The following ERBB2 variants were observed in gnomAD, a reference collection of about 807,000 sequenced individuals.
ERBB2 encodes erb-b2 receptor tyrosine kinase 2.
In ERBB2, 61 loss-of-function variants were observed where a neutral mutation model predicts 149.0. That is an observed-to-expected ratio of 0.41 (90% confidence interval 0.33 to 0.51). The LOEUF (loss-of-function observed/expected upper bound fraction) is 0.51, where lower values mean the gene tolerates loss of function less well. Ranked by LOEUF, ERBB2 falls within the 20% of genes least tolerant of loss-of-function variation. ERBB2 has a pLI of 0.25. For missense variants in ERBB2, 1,205 were observed against 1,655.1 expected, an observed-to-expected ratio of 0.73 and a Z score of 4.72; for synonymous variants, 633 against 678.8, an observed-to-expected ratio of 0.93 and a Z score of 1.05.
upstream of ERBB2, among the ~76,000 whole-genome samples, chr17:39,692,880 C>T (rs554415458): frequency 2.9e-4 from 44 of 151,922 alleles, no homozygotes; most frequent in East Asian, 6.5e-3. Flanking sequence ...CTGACCAAAA[C>T]GGTGAAAACT....
In ERBB2 at chr17:39,727,316, C is replaced by T. The variant is rs2143233441; in HGVS notation, c.3181C>T (p.Leu1061=). Residue 1061 remains leucine (L), a synonymous_variant, in exon 26 of 27, where the codon CTA becomes TTA. Coordinates refer to ENST00000269571, the MANE Select transcript of ERBB2 (RefSeq NM_004448.4). This position sits in a 1 kb window ranked among gnomAD's most constrained non-coding sequence, Gnocchi z 4.3. ...STRSGGGDLT[L]GLEPSEEEAP... ...CCAGAGTGGCGGTGGGGACCTGACACTAGGGCTGGAGCCCTCTGAAGAGGA... is the reference window on the plus strand; with the variant it reads ...CCAGAGTGGCGGTGGGGACCTGACATTAGGGCTGGAGCCCTCTGAAGAGGA... The T allele has an allele frequency of 6.2e-7, 1 of 1,613,000 alleles. No individual in the cohort carries two copies. Among genetic ancestry groups the T allele is most frequent in the Non-Finnish European group, 8.5e-7 (1 of 1,179,714 alleles).
chr17:39,718,752 A>G (rs529925303), intron 15 of ERBB2, among the ~76,000 whole-genome samples: 1 of 151,788 alleles, frequency 6.6e-6, no homozygotes, highest in South Asian at 2.1e-4. Flanking sequence ...TTTTTTTTTA[A>G]TTACTCAACC....
chr17:39,726,369 T>A lies in ERBB2; in HGVS notation c.2873-193T>A. The A allele has an allele frequency of 1.3e-5, 7 of 552,880 alleles. No homozygotes were observed. Among genetic ancestry groups the A allele is most frequent in the East Asian group, 2.9e-5 (1 of 34,156 alleles). The allele number at this position is 552,880 out of a possible 1,614,324, so 34.2% of individuals were successfully genotyped here. ...AAAGCAAACAAAAAGAAAAAAAAAATTAAAAGGGAAACTAGAAGAGATGCC... is the reference window on the plus strand; with the variant it reads ...AAAGCAAACAAAAAGAAAAAAAAAAATAAAAGGGAAACTAGAAGAGATGCC... On this transcript the variant is annotated intron_variant, in intron 23 of 26. Coordinates refer to ENST00000269571, the MANE Select transcript of ERBB2 (RefSeq NM_004448.4). This position sits in a 1 kb window ranked among gnomAD's most constrained non-coding sequence, Gnocchi z 5.1.
rs2059881818 is a variant in ERBB2 at position 39,728,090 on chromosome 17, C to G, written c.*46C>G. The G allele has an allele frequency of 7.3e-7, 1 of 1,369,904 alleles. No individual in the cohort carries two copies. Among genetic ancestry groups the G allele is most frequent in the African/African-American group, 1.4e-5 (1 of 69,520 alleles). 84.9% of individuals were successfully genotyped at this position (1,369,904 alleles called of 1,614,324 possible). On this transcript the variant is annotated 3_prime_UTR_variant, in exon 27 of 27. Transcript: ENST00000269571. Reference sequence around the variant, plus strand: ...GAAGCCCTGATGTGTCCTCAGGGAGCAGGGAAGGCCTGACTTCTGCTGGCA... The same window carrying G: ...GAAGCCCTGATGTGTCCTCAGGGAGGAGGGAAGGCCTGACTTCTGCTGGCA...
At chr17:39,706,697 A>G (rs1597859239) in intron 1 of ERBB2, 3 of 301,216 alleles carry the variant, frequency 1.0e-5, no homozygotes, top group Non-Finnish European at 1.8e-5. Context: ...GCCAGCCAAC[A>G]CCCTGTACTG....
At chr17:39,694,257 ATATATATATATGTG>A (rs1483517638), upstream of ERBB2, among the ~76,000 whole-genome samples, 43 of 28,884 alleles carry the variant, frequency 1.5e-3, 2 homozygotes, top group African/African-American at 3.4e-3. Flanking sequence ...ATATATATAT[ATATATATATATGTG>A]TGTATATATA....
intron 1 of ERBB2, 122 bp downstream of exon 1, chr17:39,700,433 T>C (rs1265135623): frequency 4.0e-5 from 33 of 833,022 alleles, no homozygotes; most frequent in Non-Finnish European, 4.8e-5. Flanking sequence ...CCCGAAGTTG[T>C]GGACAGTCGA....
upstream of ERBB2, chr17:39,695,279 T>C (rs973497635): frequency 6.6e-6 from 1 of 152,196 alleles, no homozygotes; most frequent in African/African-American, 2.4e-5. Flanking sequence ...TCCTGAGATG[T>C]GGGTAAGAGG....
chr17:39,693,482 A>G (rs2057756716), upstream of ERBB2, among the ~76,000 whole-genome samples: 2 of 152,226 alleles, frequency 1.3e-5, no homozygotes, highest in South Asian at 2.1e-4. Context: ...ACAGTAGACT[A>G]TTAGTTTTTT....
At chr17:39,719,931 G>A in intron 16 of ERBB2, 97 bp downstream of exon 16, 2 of 1,133,948 alleles carry the variant, frequency 1.8e-6, no homozygotes, top group Admixed American at 3.4e-5. Context: ...CCTGACATAT[G>A]TCCCTTCCCA....
At position 39,712,401 on chromosome 17, in the gene ERBB2, CAAG is replaced by C; in HGVS notation, c.1106_1108del (p.Lys369del). On this transcript the variant is annotated inframe_deletion, in exon 9 of 27. Coordinates refer to ENST00000269571, the MANE Select transcript of ERBB2 (RefSeq NM_004448.4). ...CCAATATCCAGGAGTTTGCTGGCTGCAAGAAGATCTTTGGGAGCCTGGCATTTC... is the reference window on the plus strand; with the variant it reads ...CCAATATCCAGGAGTTTGCTGGCTGCAAGATCTTTGGGAGCCTGGCATTTC... 1.2e-6 allele frequency: 2 copies of C among 1,614,000 alleles called. No homozygotes were observed. Among genetic ancestry groups the C allele is most frequent in the Non-Finnish European group, 1.7e-6 (2 of 1,179,978 alleles).
chr17:39,706,174 C>T (rs752255958), intron 1 of ERBB2, among the ~76,000 whole-genome samples: 7 of 152,194 alleles, frequency 4.6e-5, no homozygotes, highest in Admixed American at 3.9e-4. Flanking sequence ...GCTGATGGCT[C>T]GCGCTGGGCA....
upstream of ERBB2, among the ~76,000 whole-genome samples, chr17:39,691,574 T>TATATATATATATATATATATATATACAC (rs1244087250): frequency 8.2e-6 from 1 of 122,062 alleles, no homozygotes; most frequent in African/African-American, 4.0e-5. Flanking sequence ...TATATATATA[T>TATATATATATATATATATATATATACAC]ACACACACAC....
rs111347191 is a variant in ERBB2, at chr17:39,727,548, G to T, written c.3412+1G>T. On this transcript the variant is annotated splice_donor_variant, in intron 26 of 26. Coordinates refer to ENST00000269571, the MANE Select transcript of ERBB2 (RefSeq NM_004448.4). LOFTEE classifies it high-confidence loss of function. The surrounding 1 kb of genome is among the most constrained non-coding windows in gnomAD (Gnocchi z 4.3). ...CCCCTGACCTGCAGCCCCCAGCCTG[G>T]TATGGAGTCCAGTCTAAGCAGAGAG... 2 of 1,598,630 alleles carry T rather than the reference G, an allele frequency of 1.3e-6. No individual in the cohort carries two copies. Among genetic ancestry groups the T allele is most frequent in the East Asian group, 2.2e-5 (1 of 44,832 alleles).
rs4252640 is a variant in ERBB2 at position 39,719,933 on chromosome 17, C to G, written c.1946+99C>G. 452 of 1,080,576 alleles carry G rather than the reference C, an allele frequency of 4.2e-4. 1 individual carries two copies. In the African/African-American group the frequency reaches 6.5e-3, roughly 15 times the overall value. The allele number at this position is 1,080,576 out of a possible 1,614,324, so 66.9% of individuals were successfully genotyped here. ...AGGGAGGGGACCCCCTGACATATGT[C>G]CCTTCCCACCCACTCTTCCACTGTG... On this transcript the variant is annotated intron_variant, in intron 16 of 26. Transcript: ENST00000269571.
chr17:39,700,553 G>T (rs1393669818), intron 1 of ERBB2, among the ~76,000 whole-genome samples: 1 of 152,246 alleles, frequency 6.6e-6, no homozygotes, highest in Non-Finnish European at 1.5e-5. Context: ...GCTCCGAGGG[G>T]CTCCGGGAAC....
chr17:39,709,957 C>T (rs2145496980), intron 5 of ERBB2, 76 bp downstream of exon 5: 1 of 1,456,412 alleles, frequency 6.9e-7, no homozygotes, highest in Non-Finnish European at 9.6e-7. Flanking sequence ...ATACAGGTGA[C>T]ATGGGAGGGG....
intron 4 of ERBB2, 136 bp from the exon 5 acceptor site, chr17:39,709,677 C>A: frequency 1.0e-6 from 1 of 978,306 alleles, no homozygotes; most frequent in Non-Finnish European, 1.6e-6. Context: ...GGGGGCCTCT[C>A]AGCCTGTCTG....
chr17:39,727,178 CTG>C lies in ERBB2; in HGVS notation c.3160-113_3160-112del, dbSNP rs1170739551. 5.2e-6 allele frequency: 7 copies of C among 1,347,668 alleles called. No homozygotes were observed. The highest frequency in any genetic ancestry group is 5.2e-6 in the Non-Finnish European group (5 of 967,592). The allele number at this position is 1,347,668 out of a possible 1,614,324, so 83.5% of individuals were successfully genotyped here. A position where few individuals can be genotyped will look rare whatever the true frequency, so the allele number is the denominator to read the frequency against. On this transcript the variant is annotated intron_variant, in intron 25 of 26. Coordinates refer to ENST00000269571, the MANE Select transcript of ERBB2 (RefSeq NM_004448.4). The surrounding 1 kb of genome is among the most constrained non-coding windows in gnomAD (Gnocchi z 4.3). The stretch of plus-strand genomic sequence containing the variant: ...TGTGACCCCATTCTCTCCACGGTGA[CTG>C]TGTCATACCCCAAAGGTGACCTCTG...
Sources: gnomAD v4.1 joint callset for allele counts (sites outside exome capture counted in the v4.1 genomes callset) on GRCh38, gnomAD v4.1.1 for gene constraint, Gnocchi (gnomAD v3.1) non-coding constraint, MANE v1.5 for transcripts, NCBI Gene and HGNC (gene_info 2026-07-23, HGNC 2026-07-21) for gene names.